The following AMMECR1 variants were observed in gnomAD, a reference collection of about 807,000 sequenced individuals.
The protein encoded by AMMECR1 is AMMECR nuclear protein 1.
Under a neutral mutation model 22.5 loss-of-function variants are expected in AMMECR1, and 3 were observed. The observed-to-expected ratio is 0.13, with a 90% confidence interval of 0.06 to 0.35. The LOEUF (loss-of-function observed/expected upper bound fraction) is 0.35. AMMECR1 is among the 10% of genes least tolerant of loss of function. AMMECR1 has a pLI of 1.00. For missense variants in AMMECR1, 235 were observed against 278.7 expected, an observed-to-expected ratio of 0.84 and a Z score of 1.12; for synonymous variants, 130 against 116.7, an observed-to-expected ratio of 1.11 and a Z score of -0.74.
At chrX:110,383,426 C>T (rs1216786381) in intron 2 of AMMECR1, among the ~76,000 whole-genome samples, 2 of 111,301 alleles carry the variant, frequency 1.8e-5, no homozygotes, top group Non-Finnish European at 3.8e-5. Context: ...TTACAGTAGA[C>T]ATCATATTAG....
intron 1 of AMMECR1, among the ~76,000 whole-genome samples, chrX:110,271,583 C>T (rs1264125053): frequency 9.2e-6 from 1 of 109,123 alleles, no homozygotes; most frequent in Non-Finnish European, 1.9e-5. Flanking sequence ...TTTCAGCAAA[C>T]GAAAAAAAAA....
At chrX:110,279,537 G>A (rs1460183610) in intron 1 of AMMECR1, among the ~76,000 whole-genome samples, 1 of 111,865 alleles carries the variant, frequency 8.9e-6, no homozygotes, top group East Asian at 2.8e-4. Flanking sequence ...CTTTCTGGGA[G>A]TATCAGTTTG....
rs1237762598 is a variant in AMMECR1 at position 110,378,032 on chromosome X, AT to A, written c.-148+48625del. Among the ~76,000 whole-genome samples, 939 of 105,945 alleles carry A rather than the reference AT, an allele frequency of 8.9e-3. 10 individuals are homozygous for A. The highest frequency in any genetic ancestry group is 0.014 in the Non-Finnish European group (697 of 51,620). The allele number at this position is 105,945 out of a possible 115,157, so 92.0% of individuals were successfully genotyped here. ...TCAAAAAAAAAAAAAAAAAAAAAAA[AT>A]ATCTACCTCCATCTCAAAAACCTCT... On this transcript the variant is annotated intron_variant, in intron 2 of 7. Transcript: ENST00000372057.
intron 1 of AMMECR1, 62 bp downstream of exon 1, chrX:110,317,537 G>A (rs1323003226): frequency 8.2e-6 from 9 of 1,096,509 alleles, no homozygotes; most frequent in Non-Finnish European, 1.1e-5. Context: ...CTCGCACTTT[G>A]CCTCAACTCT....
At chrX:110,202,681 G>C in intron 3 of AMMECR1, 145 bp from the exon 4 acceptor site, 2 of 423,562 alleles carry the variant, frequency 4.7e-6, no homozygotes, top group Non-Finnish European at 8.0e-6. Context: ...CCAAAGCTTT[G>C]ACTTTGGATT....
chrX:110,362,495 T>G (rs2148251247), intron 2 of AMMECR1, among the ~76,000 whole-genome samples: 1 of 112,520 alleles, frequency 8.9e-6, no homozygotes, highest in Admixed American at 9.4e-5. Context: ...TTGACAACTC[T>G]ACGCTTTTCA....
At chrX:110,288,046 T>C (rs1343168010) in intron 1 of AMMECR1, among the ~76,000 whole-genome samples, 1 of 112,099 alleles carries the variant, frequency 8.9e-6, no homozygotes, top group Non-Finnish European at 1.9e-5. Flanking sequence ...AAAATAGCTA[T>C]GAATGAGGAA....
rs1602863740 is a variant in AMMECR1 at position 110,290,037 on chromosome X, T to C, written c.474-25438A>G. Among the ~76,000 whole-genome samples the C allele has an allele frequency of 2.7e-5, 3 of 111,522 alleles. No homozygotes were observed. In the Admixed American group the frequency reaches 2.9e-4, roughly 11 times the overall value. On this transcript the variant is annotated intron_variant, in intron 1 of 5. Coordinates refer to ENST00000262844, the MANE Select transcript of AMMECR1 (RefSeq NM_015365.3). ...AGGTAGAAACCCATTATAGTTAACA[T>C]CAGGAAAACAGGAACTTCTATATTA... is the stretch of plus-strand genomic sequence containing the variant.
intron 2 of AMMECR1, among the ~76,000 whole-genome samples, chrX:110,231,949 G>A (rs1045555446): frequency 6.3e-5 from 7 of 111,419 alleles, no homozygotes; most frequent in African/African-American, 2.0e-4. Flanking sequence ...AGGGATCAAT[G>A]CAACAAGAAG....
intron 2 of AMMECR1, among the ~76,000 whole-genome samples, chrX:110,417,800 GCAACTTC>G (rs1324369254): frequency 2.7e-5 from 3 of 112,488 alleles, no homozygotes; most frequent in African/African-American, 9.7e-5. Context: ...TATTTTACTG[GCAACTTC>G]CAACATCCCA....
rs369865072 is a variant in AMMECR1, at chrX:110,247,206, T to C, written c.584+17283A>G. On this transcript the variant is annotated intron_variant, in intron 2 of 5. Transcript: ENST00000262844. ...ATAAAAACTTCTTACTGTGGCAAAA[T>C]TCTTTGAAAACCTATTAGGAAACAC... Among the ~76,000 whole-genome samples, 10 of 112,225 alleles carry C rather than the reference T, an allele frequency of 8.9e-5. 1 individual carries two copies. The East Asian group carries it at 2.8e-3, about 31-fold the overall frequency.
chrX:110,349,355 A>G (rs997123550), intron 2 of AMMECR1, among the ~76,000 whole-genome samples: 2 of 111,579 alleles, frequency 1.8e-5, no homozygotes, highest in African/African-American at 6.5e-5. Context: ...TAGGGTGCCA[A>G]TGTGCTCAGT....
At chrX:110,209,816 C>T (rs1464456097) in intron 3 of AMMECR1, among the ~76,000 whole-genome samples, 1 of 110,455 alleles carries the variant, frequency 9.1e-6, no homozygotes, top group Non-Finnish European at 1.9e-5. Flanking sequence ...CAGTCAGGAA[C>T]AGAACCCAGG....
intron 1 of AMMECR1, among the ~76,000 whole-genome samples, chrX:110,306,414 G>C (rs1413509124): frequency 8.9e-6 from 1 of 111,884 alleles, no homozygotes; most frequent in African/African-American, 3.2e-5. Flanking sequence ...CCTAAATTAG[G>C]CTCTCTTGTA....
At chrX:110,430,231 C>T (rs188356817) in intron 1 of AMMECR1, among the ~76,000 whole-genome samples, 13 of 112,671 alleles carry the variant, frequency 1.2e-4, no homozygotes, top group Admixed American at 4.7e-4. Context: ...GGTACTTTAC[C>T]GCTTCTTTTG....
chrX:110,317,936 G>C lies in AMMECR1; in HGVS notation c.136C>G (p.Leu46Val). 1 of 1,199,218 alleles carries C rather than the reference G, an allele frequency of 8.3e-7. No individual in the cohort carries two copies. The highest frequency in any genetic ancestry group is 1.1e-6 in the Non-Finnish European group (1 of 889,441). Residue 46 changes from leucine to valine, a missense_variant, in exon 1 of 6, where the codon CTA becomes GTA. Physicochemically the swap from Leu to Val is conservative, Grantham distance 32. This residue lies in a region of AMMECR1 where 124 missense variants were observed against 97.0 expected (regional missense o/e 1.28). Coordinates refer to ENST00000262844, the MANE Select transcript of AMMECR1 (RefSeq NM_015365.3). ...TTGAGCCGCGTACCGGCGCCTCCTA[G>C]TCCCAGCTCCCCAGCTCGGCACTGG... Reference protein sequence around the residue: ...ESQCRAGELGLGGAGTRLNGL... With the variant: ...ESQCRAGELGVGGAGTRLNGL...
rs191611291 is a variant in AMMECR1 at position 110,294,154 on chromosome X, G to T, written c.473+23445C>A. 8.1e-5 allele frequency among the ~76,000 whole-genome samples: 9 copies of T among 111,738 alleles called. No individual in the cohort carries two copies. In the East Asian group the frequency reaches 1.7e-3, roughly 21 times the overall value. ...ATAGTACAGTGGATTTGTTTTGAGGGTAAATATTTTTCCAAGCATATTATG... is the reference window on the plus strand; with the variant it reads ...ATAGTACAGTGGATTTGTTTTGAGGTTAAATATTTTTCCAAGCATATTATG... On this transcript the variant is annotated intron_variant, in intron 1 of 5. Transcript: ENST00000262844.
chrX:110,363,994 T>C (rs981273134), intron 2 of AMMECR1, among the ~76,000 whole-genome samples: 13 of 111,941 alleles, frequency 1.2e-4, no homozygotes, highest in African/African-American at 4.2e-4. Context: ...CATAACAAAT[T>C]GCCACAAACT....
chrX:110,321,604 T>C (rs1365824292), upstream of AMMECR1, among the ~76,000 whole-genome samples: 1 of 112,145 alleles, frequency 8.9e-6, no homozygotes, highest in Non-Finnish European at 1.9e-5. Context: ...TTTGTTCTCG[T>C]GTTTACAACA....
Sources: allele counts gnomAD v4.1 joint callset (sites outside exome capture counted in the v4.1 genomes callset), GRCh38; gene constraint gnomAD v4.1.1; regional missense constraint gnomAD v4.1.1; transcripts MANE v1.5; gene names NCBI Gene and HGNC (gene_info 2026-07-23, HGNC 2026-07-21).